Variants in MAN2A1 observed in about 807,000 individuals in gnomAD.
MAN2A1 encodes alpha-mannosidase 2.
MAN2A1 carries 76 observed loss-of-function variants against 142.6 expected under a neutral mutation model. That is an observed-to-expected ratio of 0.53 (90% CI 0.44 to 0.65). The LOEUF is 0.65. MAN2A1 is among the 30% of genes least tolerant of loss of function. The pLI is 0.00. For synonymous variants in MAN2A1, 559 were observed against 473.2 expected (o/e 1.18, Z -2.35); for missense variants, 1,311 against 1,365.1 (o/e 0.96, Z 0.62).
Position 109,859,891 on chromosome 5 carries a change from T to A in MAN2A1, c.3171+4557T>A, listed in dbSNP as rs1450132933. Among the ~76,000 whole-genome samples, 7 of 150,418 alleles carry A rather than the reference T, an allele frequency of 4.7e-5. No homozygotes were observed. In the East Asian group the frequency reaches 1.4e-3, roughly 29 times the overall value. On this transcript the variant is annotated intron_variant, in intron 20 of 21. Coordinates refer to ENST00000261483, the MANE Select transcript of MAN2A1 (RefSeq NM_002372.4). ...GTAGTTCAGCTTTTTTTTTTTTTTT[T>A]AGATTATTTCCACAGCTTTTATATT...
chr5:109,765,084 T>TA (rs1254174281), intron 5 of MAN2A1, among the ~76,000 whole-genome samples: 8 of 152,166 alleles, frequency 5.3e-5, no homozygotes, highest in African/African-American at 1.7e-4. Flanking sequence ...TTAACAGTGA[T>TA]ACAGTAGGAC....
intron 4 of MAN2A1, among the ~76,000 whole-genome samples, chr5:109,752,873 G>A (rs1752585172): frequency 6.6e-6 from 1 of 152,156 alleles, no homozygotes; most frequent in African/African-American, 2.4e-5. Flanking sequence ...TTAACAAATG[G>A]AGCTGGGAAA....
intron 4 of MAN2A1, among the ~76,000 whole-genome samples, chr5:109,730,068 GT>G (rs961458006): frequency 2.6e-5 from 4 of 151,842 alleles, no homozygotes; most frequent in African/African-American, 9.7e-5. Flanking sequence ...TAGTTTAAAA[GT>G]TTTTTTTAAG....
At chr5:109,699,356 G>A (rs1379178948) in intron 1 of MAN2A1, 1 of 152,046 alleles carries the variant, frequency 6.6e-6, no homozygotes, top group Non-Finnish European at 1.5e-5. Context: ...CAGTAAACAA[G>A]GATACGGAAT....
At chr5:109,852,559 C>G (rs927694702) in intron 19 of MAN2A1, among the ~76,000 whole-genome samples, 1 of 152,058 alleles carries the variant, frequency 6.6e-6, no homozygotes, top group African/African-American at 2.4e-5. Context: ...GGGCTGGAAC[C>G]CAGTGAGGAA....
intron 12 of MAN2A1, among the ~76,000 whole-genome samples, chr5:109,796,987 C>A (rs1753881028): frequency 6.6e-6 from 1 of 152,142 alleles, no homozygotes; most frequent in South Asian, 2.1e-4. Context: ...ACCTGGCACA[C>A]AGTAGGTGTT....
chr5:109,763,076 C>A (rs760044275), intron 5 of MAN2A1, among the ~76,000 whole-genome samples: 6 of 152,104 alleles, frequency 3.9e-5, no homozygotes, highest in Non-Finnish European at 8.8e-5. Flanking sequence ...TAGACCAGGC[C>A]CCTTCTGATT....
rs115901845 is a variant in MAN2A1 at position 109,835,742 on chromosome 5, G to A, written c.2567-6586G>A. ...ACTGGTTGAGTGTGGTGAGAGTGGT[G>A]TATGGTTTATGAGTATATTCCTTGG... On this transcript the variant is annotated intron_variant, in intron 16 of 21. Coordinates refer to ENST00000261483, the MANE Select transcript of MAN2A1 (RefSeq NM_002372.4). Among the ~76,000 whole-genome samples the A allele has an allele frequency of 4.6e-3, 696 of 152,240 alleles. 7 individuals are homozygous for A. The highest frequency in any genetic ancestry group is 0.016 in the African/African-American group (659 of 41,536).
At chr5:109,737,224 CT>C (rs1447099778) in intron 4 of MAN2A1, among the ~76,000 whole-genome samples, 1 of 150,978 alleles carries the variant, frequency 6.6e-6, no homozygotes, top group African/African-American at 2.4e-5. Flanking sequence ...TCCTGAGTAG[CT>C]GGGATTAAGG....
At chr5:109,720,359 G>C (rs1751566599) in intron 3 of MAN2A1, among the ~76,000 whole-genome samples, 1 of 151,980 alleles carries the variant, frequency 6.6e-6, no homozygotes, top group African/African-American at 2.4e-5. Flanking sequence ...TGACTCAGAG[G>C]GTGATTAGGA....
At chr5:109,728,206 A>G (rs541189400) in intron 3 of MAN2A1, among the ~76,000 whole-genome samples, 1 of 152,304 alleles carries the variant, frequency 6.6e-6, no homozygotes, top group South Asian at 2.1e-4. Context: ...TCATATTCAC[A>G]TTGTCAGAAT....
At chr5:109,741,256 T>C (rs1752259828) in intron 4 of MAN2A1, among the ~76,000 whole-genome samples, 1 of 152,218 alleles carries the variant, frequency 6.6e-6, no homozygotes, top group Non-Finnish European at 1.5e-5. Context: ...TTTGCTAAAG[T>C]TCTCTCTCTT....
intron 13 of MAN2A1, among the ~76,000 whole-genome samples, chr5:109,819,191 A>C (rs1282706985): frequency 1.3e-5 from 2 of 152,224 alleles, no homozygotes; most frequent in African/African-American, 4.8e-5. Flanking sequence ...ATTCTGCCCA[A>C]CTGTGGGCTA....
chr5:109,774,667 C>T, intron 7 of MAN2A1, 121 bp from the exon 8 acceptor site: 1 of 693,884 alleles, frequency 1.4e-6, no homozygotes, highest in Non-Finnish European at 2.4e-6. Context: ...ATAAAATATA[C>T]AGTTTCTTTT....
At chr5:109,750,873 A>G (rs372954931) in intron 4 of MAN2A1, among the ~76,000 whole-genome samples, 5 of 152,174 alleles carry the variant, frequency 3.3e-5, no homozygotes, top group African/African-American at 1.2e-4. Context: ...ATATTTGTAC[A>G]TATTTATGGG....
intron 12 of MAN2A1, among the ~76,000 whole-genome samples, chr5:109,795,884 A>G (rs867089500): frequency 3.9e-5 from 6 of 152,144 alleles, no homozygotes; most frequent in African/African-American, 1.4e-4. Context: ...AAGTAGATCA[A>G]CTGACACTCT....
Position 109,772,611 on chromosome 5 carries a change from A to G in MAN2A1, c.1196+2070A>G, listed in dbSNP as rs564847517. ...AGCCTCCATCACCTGGGCTCATGCA[A>G]TTCTCCCACCTCAGCCTCCTGAGTA... On this transcript the variant is annotated intron_variant, in intron 7 of 21. Coordinates refer to ENST00000261483, the MANE Select transcript of MAN2A1 (RefSeq NM_002372.4). Among the ~76,000 whole-genome samples the G allele has an allele frequency of 5.3e-5, 8 of 152,142 alleles. No individual in the cohort carries two copies. The South Asian group carries it at 1.0e-3, about 20-fold the overall frequency.
chr5:109,867,254 A>T lies in MAN2A1; in HGVS notation c.*256A>T. ...ACCACCATCAGTATGAATTGATGCA[A>T]CAAATGAAGAAATATTTAAAGACAG... On this transcript the variant is annotated 3_prime_UTR_variant, in exon 22 of 22. Transcript: ENST00000261483. 3.8e-6 allele frequency: 1 copy of T among 261,216 alleles called. No individual in the cohort carries two copies. Among genetic ancestry groups the T allele is most frequent in the Non-Finnish European group, 7.2e-6 (1 of 139,524 alleles). 16.2% of individuals were successfully genotyped at this position (261,216 alleles called of 1,614,324 possible).
At chr5:109,728,552 C>T (rs1353726214) in intron 3 of MAN2A1, among the ~76,000 whole-genome samples, 1 of 152,004 alleles carries the variant, frequency 6.6e-6, no homozygotes, top group East Asian at 1.9e-4. Flanking sequence ...TATGTTTGCA[C>T]CTGTTGGTGT....
Sources: gnomAD v4.1 joint callset for allele counts (sites outside exome capture counted in the v4.1 genomes callset) on GRCh38, gnomAD v4.1.1 for gene constraint, MANE v1.5 for transcripts, NCBI Gene and HGNC (gene_info 2026-07-23, HGNC 2026-07-21) for gene names.